Variants in STAC observed in about 807,000 individuals in gnomAD.
STAC encodes the protein SH3 and cysteine rich domain.
A neutral mutation model predicts 48.8 loss-of-function variants in STAC; 43 were observed. That is an observed-to-expected ratio of 0.88 (90% CI 0.69 to 1.14). The LOEUF is 1.14. Ranked by LOEUF, STAC falls within the 50% of genes most tolerant of loss-of-function variation. The pLI is 0.00. For synonymous variants in STAC, 193 were observed against 179.5 expected, an observed-to-expected ratio of 1.07 and a Z score of -0.60; for missense variants, 497 against 504.0, an observed-to-expected ratio of 0.99 and a Z score of 0.13.
At chr3:36,466,755 T>C (rs933918989) in intron 2 of STAC, among the ~76,000 whole-genome samples, 1 of 152,124 alleles carries the variant, frequency 6.6e-6, no homozygotes, top group Non-Finnish European at 1.5e-5. Context: ...GGATGACTCT[T>C]TAGGGTTTTC....
chr3:36,503,511 A>G (rs1698327201), intron 6 of STAC, among the ~76,000 whole-genome samples: 1 of 151,992 alleles, frequency 6.6e-6, no homozygotes, highest in African/African-American at 2.4e-5. Flanking sequence ...CCTTACTGCA[A>G]CCTCCACCTT....
intron 10 of STAC, among the ~76,000 whole-genome samples, chr3:36,540,983 T>C (rs138654047): frequency 6.6e-6 from 1 of 152,182 alleles, no homozygotes; most frequent in East Asian, 1.9e-4. Context: ...AAGAGTCTGA[T>C]AGAGGTCAGT....
chr3:36,416,365 T>C (rs1317490265), intron 1 of STAC, among the ~76,000 whole-genome samples: 1 of 152,094 alleles, frequency 6.6e-6, no homozygotes, highest in Non-Finnish European at 1.5e-5. Context: ...CCCAGCTACT[T>C]AGGAGGCTGA....
intron 6 of STAC, among the ~76,000 whole-genome samples, chr3:36,502,355 C>G (rs1698301094): frequency 6.6e-6 from 1 of 152,148 alleles, no homozygotes; most frequent in Non-Finnish European, 1.5e-5. Flanking sequence ...TTCATTAACT[C>G]AAAGTCTTAT....
At chr3:36,399,012 C>G (rs1475842448) in intron 1 of STAC, among the ~76,000 whole-genome samples, 2 of 152,228 alleles carry the variant, frequency 1.3e-5, no homozygotes, top group African/African-American at 4.8e-5. Flanking sequence ...GAAGTCTTAC[C>G]TTGGCCTGAC....
chr3:36,473,441 AC>A (rs1266307708), intron 2 of STAC, among the ~76,000 whole-genome samples: 5 of 152,028 alleles, frequency 3.3e-5, no homozygotes, highest in Non-Finnish European at 2.9e-5. Flanking sequence ...CAGATGATAC[AC>A]CCTCTAGCCA....
intron 8 of STAC, among the ~76,000 whole-genome samples, chr3:36,508,407 G>A (rs1698456376): frequency 6.6e-6 from 1 of 152,148 alleles, no homozygotes; most frequent in South Asian, 2.1e-4. Context: ...TTGATTGGGG[G>A]TTGAGAGTTC....
chr3:36,462,121 A>G (rs147903096), intron 2 of STAC, among the ~76,000 whole-genome samples: 2 of 152,268 alleles, frequency 1.3e-5, no homozygotes, highest in African/African-American at 4.8e-5. Context: ...TGACTCCAAC[A>G]GGATTGATTT....
chr3:36,537,522 A>G (rs1250212637), intron 10 of STAC, among the ~76,000 whole-genome samples: 2 of 152,120 alleles, frequency 1.3e-5, no homozygotes, highest in African/African-American at 4.8e-5. Flanking sequence ...GGAGGGAACA[A>G]CACACACTAG....
chr3:36,485,990 C>G (rs1697799810), intron 4 of STAC, 144 bp from the exon 5 acceptor site: 9 of 628,334 alleles, frequency 1.4e-5, no homozygotes, highest in Non-Finnish European at 2.5e-5. Context: ...GAACACTTGG[C>G]CATGAAAGCC....
intron 1 of STAC, 63 bp downstream of exon 1, chr3:36,380,817 T>G: frequency 7.5e-7 from 1 of 1,324,886 alleles, no homozygotes; most frequent in South Asian, 1.3e-5. Flanking sequence ...CGGTCCAGCT[T>G]TGTCTCTCCT....
chr3:36,434,559 C>T (rs1700783195), intron 1 of STAC, among the ~76,000 whole-genome samples: 1 of 152,178 alleles, frequency 6.6e-6, no homozygotes, highest in Non-Finnish European at 1.5e-5. Context: ...ATAGTGGCAA[C>T]TGACTTTATG....
intron 8 of STAC, among the ~76,000 whole-genome samples, chr3:36,506,503 A>G (rs1389272178): frequency 2.6e-5 from 4 of 152,136 alleles, no homozygotes; most frequent in Admixed American, 6.5e-5. Flanking sequence ...CATTGAATCT[A>G]TAAATTACTT....
chr3:36,526,310 G>T lies in STAC; in HGVS notation c.921-2386G>T, dbSNP rs1211174531. Reference sequence around the variant, plus strand: ...CTTTGCAGTTCCTCCCAAAACAGAGGTGGATGGAGCCTGTTACCCTATCCC... The same window carrying T: ...CTTTGCAGTTCCTCCCAAAACAGAGTTGGATGGAGCCTGTTACCCTATCCC... On this transcript the variant is annotated intron_variant, in intron 8 of 10. Transcript: ENST00000273183. Among the ~76,000 whole-genome samples the T allele has an allele frequency of 3.3e-5, 5 of 152,276 alleles. No individual in the cohort carries two copies. The East Asian group carries it at 5.8e-4, about 18-fold the overall frequency.
At position 36,483,076 on chromosome 3, in the gene STAC, G is replaced by A. The variant is rs758853939; in HGVS notation, c.473G>A (p.Arg158Gln). ...HKCTDGLAPQ[R>Q]CMGKLPKGFR... ...TGCACAGATGGCCTGGCACCCCAGCGGTGCATGGGCAAGCTGGTAAGGGCT... is the reference window on the plus strand; with the variant it reads ...TGCACAGATGGCCTGGCACCCCAGCAGTGCATGGGCAAGCTGGTAAGGGCT... The change falls in exon 3 of 11, where the codon CGG (arginine) becomes CAG (glutamine). Residue 158 changes from arginine to glutamine, a missense_variant. Coordinates refer to ENST00000273183, the MANE Select transcript of STAC (RefSeq NM_003149.3). The A allele has an allele frequency of 2.2e-5, 36 of 1,613,686 alleles. No homozygotes were observed. Among genetic ancestry groups the A allele is most frequent in the Admixed American group, 6.7e-5 (4 of 60,006 alleles).
At chr3:36,399,790 G>A (rs1312604242) in intron 1 of STAC, among the ~76,000 whole-genome samples, 1 of 152,054 alleles carries the variant, frequency 6.6e-6, no homozygotes, top group Non-Finnish European at 1.5e-5. Flanking sequence ...TTTTAAAATG[G>A]TCTCCCAACT....
chr3:36,525,504 C>A (rs1698910211), intron 8 of STAC, among the ~76,000 whole-genome samples: 1 of 151,722 alleles, frequency 6.6e-6, no homozygotes, highest in Non-Finnish European at 1.5e-5. Flanking sequence ...TGAGGCAGCA[C>A]CCTCTTTCAC....
At chr3:36,396,145 T>G (rs925322782) in intron 1 of STAC, among the ~76,000 whole-genome samples, 2 of 152,168 alleles carry the variant, frequency 1.3e-5, no homozygotes, top group African/African-American at 2.4e-5. Flanking sequence ...TTCAACAAGC[T>G]TAGAGATTTT....
chr3:36,536,681 G>A (rs1201307231), intron 10 of STAC, among the ~76,000 whole-genome samples: 1 of 151,922 alleles, frequency 6.6e-6, no homozygotes, highest in African/African-American at 2.4e-5. Flanking sequence ...TTGACAAAGG[G>A]GATCTAATTA....
Sources: allele counts gnomAD v4.1 joint callset (sites outside exome capture counted in the v4.1 genomes callset), GRCh38; gene constraint gnomAD v4.1.1; transcripts MANE v1.5; gene names NCBI Gene and HGNC (gene_info 2026-07-23, HGNC 2026-07-21).